The following ZNF273 variants were observed in gnomAD, a reference collection of about 807,000 sequenced individuals.
ZNF273 encodes zinc finger protein 9.
In ZNF273, 11 loss-of-function variants were observed where a neutral mutation model predicts 14.9. The ratio of observed to expected loss-of-function variants is 0.74; its 90% CI spans 0.46 to 1.22. The LOEUF (loss-of-function observed/expected upper bound fraction) is 1.22. Among genes scored for constraint, ZNF273 ranks in the 50% most tolerant of loss-of-function variants. The pLI is 0.00. For synonymous variants in ZNF273, 199 were observed against 223.9 expected (o/e 0.89, Z 0.99); for missense variants, 577 against 660.6 (o/e 0.87, Z 1.39).
rs145527679 is a variant in ZNF273, at chr7:64,926,257, A to C, written c.326-1397A>C. On this transcript the variant is annotated intron_variant, in intron 3 of 3. Coordinates refer to ENST00000476120, the MANE Select transcript of ZNF273 (RefSeq NM_021148.3). ...TTTTCTCATAAGACTATCCTTGTAA[A>C]TGACACATCACTTTCATCTTACAGT... 7.9e-4 allele frequency among the ~76,000 whole-genome samples: 119 copies of C among 151,074 alleles called. 1 individual carries two copies. The East Asian group carries it at 0.014, about 18-fold the overall frequency.
At chr7:64,906,622 T>C (rs143273364) in intron 1 of ZNF273, among the ~76,000 whole-genome samples, 2 of 152,252 alleles carry the variant, frequency 1.3e-5, no homozygotes, top group African/African-American at 4.8e-5. Flanking sequence ...TAGGTTCTTT[T>C]TGGGGAGCCT....
chr7:64,930,870 T>A lies in ZNF273; in HGVS notation c.*1832T>A, dbSNP rs1027451854. 1.3e-5 allele frequency: 2 copies of A among 152,160 alleles called. No homozygotes were observed. Among genetic ancestry groups the A allele is most frequent in the Admixed American group, 1.3e-4 (2 of 15,276 alleles). The allele number at this position is 152,160 out of a possible 1,614,324, so 9.4% of individuals were successfully genotyped here. ...ATCCCTTACTAGCATTTATCCTTTG[T>A]ATTTTATTTTAAAATGTACAACTAA... On this transcript the variant is annotated 3_prime_UTR_variant, in exon 4 of 4. Transcript: ENST00000476120.
intron 1 of ZNF273, among the ~76,000 whole-genome samples, chr7:64,916,562 AAAAC>A (rs1414583256): frequency 6.6e-6 from 1 of 150,652 alleles, no homozygotes; most frequent in African/African-American, 2.4e-5. Context: ...AAAAAAAAAA[AAAAC>A]CATACACACA....
rs1794148750 is a variant in ZNF273 at position 64,918,185 on chromosome 7, T to C, written c.230-12T>C. ...TGAGCAAGATTCATGTTACTCATTTTTAATAAAACAGGTATTGCTGTCTCT... is the reference window on the plus strand; with the variant it reads ...TGAGCAAGATTCATGTTACTCATTTCTAATAAAACAGGTATTGCTGTCTCT... On this transcript the variant is annotated splice_polypyrimidine_tract_variant and intron_variant, in intron 2 of 3. Transcript: ENST00000476120. The C allele has an allele frequency of 2.6e-6, 4 of 1,551,446 alleles. No homozygotes were observed. The highest frequency in any genetic ancestry group is 1.4e-5 in the African/African-American group (1 of 72,886).
chr7:64,885,647 A>T (rs1228375969), intron 1 of ZNF273, among the ~76,000 whole-genome samples: 1 of 152,182 alleles, frequency 6.6e-6, no homozygotes, highest in Non-Finnish European at 1.5e-5. Flanking sequence ...GGAGAGAAGG[A>T]GAGGAAGTGA....
intron 1 of ZNF273, among the ~76,000 whole-genome samples, chr7:64,906,863 A>G (rs1016990173): frequency 4.6e-5 from 7 of 152,192 alleles, no homozygotes; most frequent in Non-Finnish European, 7.3e-5. Flanking sequence ...ATTCCAAAAG[A>G]GTGTTGCAAC....
At chr7:64,920,995 C>T (rs1794408345) in intron 3 of ZNF273, among the ~76,000 whole-genome samples, 1 of 151,900 alleles carries the variant, frequency 6.6e-6, no homozygotes, top group Admixed American at 6.6e-5. Context: ...TGATGTCACT[C>T]TCCCTACATA....
downstream of ZNF273, among the ~76,000 whole-genome samples, chr7:64,884,027 G>C (rs1242124913): frequency 1.3e-5 from 2 of 152,218 alleles, no homozygotes; most frequent in Non-Finnish European, 2.9e-5. Context: ...ATTCCTATAT[G>C]ATGGGACCTA....
chr7:64,884,431 C>G (rs1791459900), downstream of ZNF273, among the ~76,000 whole-genome samples: 1 of 152,174 alleles, frequency 6.6e-6, no homozygotes, highest in Non-Finnish European at 1.5e-5. Flanking sequence ...TTCAGTCTTG[C>G]AATCACCCCA....
rs1389692177 is a variant in ZNF273 at position 64,917,644 on chromosome 7, A to C, written c.166A>C (p.Thr56Pro). 2 of 1,600,306 alleles carry C rather than the reference A, an allele frequency of 1.2e-6. No homozygotes were observed. The highest frequency in any genetic ancestry group is 1.7e-6 in the Non-Finnish European group (2 of 1,171,468). ...FSLEEWQCLD[T>P]SQQNLYRNVM... ...TCTGGAGGAGTGGCAATGCCTGGAC[A>C]CTTCACAGCAGAATTTGTATAGGAA... The change falls in exon 2 of 4, where the codon ACT becomes CCT. Residue 56 changes from threonine to proline, a missense_variant. Thr to Pro is a conservative substitution (Grantham distance 38, BLOSUM62 -1). This residue lies in a region of ZNF273 where 162 missense variants were observed against 203.5 expected (regional missense o/e 0.80). Coordinates refer to ENST00000476120, the MANE Select transcript of ZNF273 (RefSeq NM_021148.3).
downstream of ZNF273, among the ~76,000 whole-genome samples, chr7:64,880,404 G>T (rs946757575): frequency 6.6e-6 from 1 of 152,102 alleles, no homozygotes; most frequent in Non-Finnish European, 1.5e-5. Context: ...TCCCCAGGAG[G>T]GGCTTCCTGG....
In ZNF273 at chr7:64,912,826, G is replaced by GTTTTTTGTTGTTTTTTTTTT; in HGVS notation, c.103-4749_103-4748insGTTGTTTTTTTTTTTTTTTT. ...TCTTTTTGACTCAGGATTCATTTTA[G>GTTTTTTGTTGTTTTTTTTTT]TTTTTTTTTTTTTTTTTTTTGAGAT... On this transcript the variant is annotated intron_variant, in intron 1 of 3. Transcript: ENST00000476120. Among the ~76,000 whole-genome samples, 94 of 36,576 alleles carry GTTTTTTGTTGTTTTTTTTTT rather than the reference G, an allele frequency of 2.6e-3. 5 individuals carry two copies. Among genetic ancestry groups the GTTTTTTGTTGTTTTTTTTTT allele is most frequent in the South Asian group, 6.5e-3 (5 of 768 alleles). The allele number at this position is 36,576 out of a possible 152,430, so 24.0% of individuals were successfully genotyped here. A position where few individuals can be genotyped will look rare whatever the true frequency, so the allele number is the denominator to read the frequency against.
chr7:64,930,894 A>G lies in ZNF273; in HGVS notation c.*1856A>G, dbSNP rs551671886. 12 of 152,264 alleles carry G rather than the reference A, an allele frequency of 7.9e-5. No homozygotes were observed. The highest frequency in any genetic ancestry group is 3.4e-3 in the Middle Eastern group (1 of 294). The allele number at this position is 152,264 out of a possible 1,614,324, so 9.4% of individuals were successfully genotyped here. ...GTATTTTATTTTAAAATGTACAACT[A>G]AATTGTTATGGACTACAGGGTTATT... On this transcript the variant is annotated 3_prime_UTR_variant, in exon 4 of 4. Transcript: ENST00000476120.
At position 64,886,983 on chromosome 7, in the gene ZNF273, G is replaced by A. The variant is rs952212010; in HGVS notation, n.274-1590G>A. Among the ~76,000 whole-genome samples the A allele has an allele frequency of 2.0e-5, 3 of 152,160 alleles. No individual in the cohort carries two copies. In the East Asian group the frequency reaches 5.8e-4, roughly 29 times the overall value. The stretch of plus-strand genomic sequence containing the variant: ...ATTATGATAGTGGCAGCAGATCTGT[G>A]CTGGGCATTTACCAGGCTGGGCACG... On this transcript the variant is annotated intron_variant and non_coding_transcript_variant, in intron 1 of 1. Coordinates refer to the ZNF273 transcript ENST00000471926.
intron 2 of ZNF273, 135 bp from the exon 3 acceptor site, chr7:64,918,062 A>G: frequency 2.6e-6 from 2 of 756,234 alleles, no homozygotes; most frequent in Non-Finnish European, 3.7e-6. Flanking sequence ...AATATTTAGA[A>G]ATTTACATTA....
chr7:64,886,116 TCCTCACTTATTCAGTGAGG>T (rs751975237), intron 1 of ZNF273, among the ~76,000 whole-genome samples: 6 of 152,190 alleles, frequency 3.9e-5, no homozygotes, highest in Non-Finnish European at 8.8e-5. Flanking sequence ...CAAGGCAGCT[TCCTCACTTATTCAGTGAGG>T]ACACAGCCAC....
At chr7:64,917,780 G>C in intron 2 of ZNF273, 73 bp downstream of exon 2, 1 of 1,459,668 alleles carries the variant, frequency 6.9e-7, no homozygotes, top group South Asian at 1.3e-5. Context: ...GGAAATTTCT[G>C]CTTTGCATAA....
intron 1 of ZNF273, among the ~76,000 whole-genome samples, chr7:64,904,105 T>C (rs1792921919): frequency 6.6e-6 from 1 of 152,232 alleles, no homozygotes; most frequent in East Asian, 1.9e-4. Flanking sequence ...TCTTTCTTTC[T>C]GAGACAGAGT....
intron 2 of ZNF273, among the ~76,000 whole-genome samples, chr7:64,878,831 T>G (rs1256622846): frequency 1.3e-5 from 2 of 152,312 alleles, no homozygotes; most frequent in Admixed American, 6.5e-5. Context: ...GGCCTAGGGT[T>G]TCCATGGTCT....
Sources: allele counts gnomAD v4.1 joint callset (sites outside exome capture counted in the v4.1 genomes callset), GRCh38; gene constraint gnomAD v4.1.1; regional missense constraint gnomAD v4.1.1; transcripts MANE v1.5; gene names NCBI Gene and HGNC (gene_info 2026-07-23, HGNC 2026-07-21).